The following CRYZ variants were observed in gnomAD, a reference collection of about 807,000 sequenced individuals.
The protein encoded by CRYZ is zeta-crystallin.
CRYZ carries 35 observed loss-of-function variants against 34.1 expected under a neutral mutation model. That is an observed-to-expected ratio of 1.03 (90% CI 0.78 to 1.36). CRYZ has a LOEUF of 1.36. Ranked by LOEUF, CRYZ falls within the 40% of genes most tolerant of loss-of-function variation. The pLI, the probability that CRYZ is intolerant of heterozygous loss-of-function variation, is 0.00. For missense variants in CRYZ, 403 were observed against 391.8 expected, an observed-to-expected ratio of 1.03 and a Z score of -0.24; for synonymous variants, 137 against 136.5, an observed-to-expected ratio of 1.00 and a Z score of -0.03.
chr1:74,706,613 G>A (rs902125066), intron 8 of CRYZ, among the ~76,000 whole-genome samples, 156 bp from the exon 9 acceptor site: 1 of 152,128 alleles, frequency 6.6e-6, no homozygotes, highest in East Asian at 1.9e-4. Context: ...AGAAAAAGTA[G>A]TTATCTACAG....
At chr1:74,730,134 C>G (rs892070077) in intron 1 of CRYZ, among the ~76,000 whole-genome samples, 2 of 152,256 alleles carry the variant, frequency 1.3e-5, no homozygotes, top group South Asian at 2.1e-4. Flanking sequence ...TCTTTCCCCC[C>G]CCACATTTTG....
chr1:74,707,414 T>C (rs1569965491), intron 6 of CRYZ: 5 of 369,654 alleles, frequency 1.4e-5, no homozygotes, highest in African/African-American at 2.1e-5. Context: ...TGATAAAAAT[T>C]TGTACTAAAT....
At chr1:74,711,924 G>C (rs1647009458) in intron 5 of CRYZ, among the ~76,000 whole-genome samples, 1 of 151,616 alleles carries the variant, frequency 6.6e-6, no homozygotes, top group Admixed American at 6.6e-5. Context: ...TAAAGCCAAA[G>C]GATTAGGTGG....
At chr1:74,731,178 G>A (rs1388542471) in intron 1 of CRYZ, among the ~76,000 whole-genome samples, 1 of 152,046 alleles carries the variant, frequency 6.6e-6, no homozygotes, top group African/African-American at 2.4e-5. Context: ...TACAAATCTA[G>A]GAAATAGAAA....
At chr1:74,723,783 C>T (rs1647210684) in intron 2 of CRYZ, among the ~76,000 whole-genome samples, 1 of 152,148 alleles carries the variant, frequency 6.6e-6, no homozygotes, top group Admixed American at 6.5e-5. Context: ...AAGCTGAGTC[C>T]CTAAGTCACT....
chr1:74,726,820 A>G (rs1647366749), intron 1 of CRYZ, among the ~76,000 whole-genome samples: 1 of 152,092 alleles, frequency 6.6e-6, no homozygotes, highest in Admixed American at 6.6e-5. Context: ...ATAATGCGCA[A>G]GTCACCTCTT....
chr1:74,729,636 G>C (rs2100737393), intron 1 of CRYZ, among the ~76,000 whole-genome samples: 1 of 139,960 alleles, frequency 7.1e-6, no homozygotes, highest in South Asian at 2.3e-4. Flanking sequence ...GACAGAGTGA[G>C]ACCCTGTCTC....
chr1:74,710,948 C>T (rs2100696543), intron 5 of CRYZ, among the ~76,000 whole-genome samples: 1 of 152,106 alleles, frequency 6.6e-6, no homozygotes, highest in Admixed American at 6.5e-5. Context: ...GGAATAGGGG[C>T]TATTTAGGTC....
chr1:74,706,921 A>G lies in CRYZ; in HGVS notation c.806T>C (p.Val269Ala), dbSNP rs1244644709. Residue 269 changes from valine (V) to alanine (A), a missense_variant, in exon 8 of 9, where the codon GTT (valine) becomes GCT (alanine). Coordinates refer to ENST00000340866, the MANE Select transcript of CRYZ (RefSeq NM_001889.4). ...TACCTTGGTTGAGGAAAAGAGAGTA[A>G]CTCCAATTATACTCGACTCCTTTGC... ...TMAKESSIIG[V>A]TLFSSTKEEF... 6.2e-7 allele frequency: 1 copy of G among 1,612,774 alleles called. No individual in the cohort carries two copies. The highest frequency in any genetic ancestry group is 1.1e-5 in the South Asian group (1 of 90,982).
At position 74,714,715 on chromosome 1, in the gene CRYZ, C is replaced by A. The variant is rs116332406; in HGVS notation, c.429-85G>T. On this transcript the variant is annotated intron_variant, in intron 4 of 8. Coordinates refer to ENST00000340866, the MANE Select transcript of CRYZ (RefSeq NM_001889.4). ...TTTTCATCATCTTAAGGAATTTCTA[C>A]CCCTAGTCTGGCTAACACTTACACA... 2.2e-3 allele frequency: 3,146 copies of A among 1,407,562 alleles called. 58 individuals are homozygous for A. In the African/African-American group the frequency reaches 0.039, roughly 17 times the overall value. The allele number at this position is 1,407,562 out of a possible 1,614,324, so 87.2% of individuals were successfully genotyped here. A position where few individuals can be genotyped will look rare whatever the true frequency, so the allele number is the denominator to read the frequency against.
chr1:74,710,044 C>T lies in CRYZ; in HGVS notation c.630+54G>A, dbSNP rs142296727. The T allele has an allele frequency of 5.5e-3, 8,287 of 1,517,392 alleles. 30 individuals carry two copies. The highest frequency in any genetic ancestry group is 6.1e-3 in the Non-Finnish European group (6,716 of 1,108,966). The allele number at this position is 1,517,392 out of a possible 1,614,324, so 94.0% of individuals were successfully genotyped here. A position where few individuals can be genotyped will look rare whatever the true frequency, so the allele number is the denominator to read the frequency against. On this transcript the variant is annotated intron_variant, in intron 6 of 8. Coordinates refer to ENST00000340866, the MANE Select transcript of CRYZ (RefSeq NM_001889.4). ...TGGTTAAAAACATATTAAAAAACCA[C>T]GCAAGTCTCCAAGGAACAAAGTTTG...
At chr1:74,730,004 G>C (rs1224990723) in intron 1 of CRYZ, among the ~76,000 whole-genome samples, 3 of 151,900 alleles carry the variant, frequency 2.0e-5, no homozygotes, top group Non-Finnish European at 4.4e-5. Context: ...TGAGATGCTT[G>C]CTTTTTCCAT....
intron 1 of CRYZ, among the ~76,000 whole-genome samples, chr1:74,726,944 C>A (rs1647374924): frequency 6.6e-6 from 1 of 152,162 alleles, no homozygotes; most frequent in Admixed American, 6.5e-5. Context: ...TTTGCTAAAA[C>A]ACAACAAAAG....
At chr1:74,719,030 G>A (rs1339666898) in intron 4 of CRYZ, among the ~76,000 whole-genome samples, 179 bp downstream of exon 4, 1 of 152,040 alleles carries the variant, frequency 6.6e-6, no homozygotes, top group African/African-American at 2.4e-5. Context: ...GCTCTTCTTT[G>A]TATCCCTAGT....
chr1:74,728,718 G>A (rs1647520350), intron 1 of CRYZ, among the ~76,000 whole-genome samples: 1 of 152,228 alleles, frequency 6.6e-6, no homozygotes, highest in African/African-American at 2.4e-5. Flanking sequence ...TTGATGGGAA[G>A]TTCTTGATAT....
chr1:74,715,071 AT>A (rs1411466739), intron 4 of CRYZ, among the ~76,000 whole-genome samples: 1 of 151,716 alleles, frequency 6.6e-6, no homozygotes, highest in Non-Finnish European at 1.5e-5. Context: ...CACAGTAGCT[AT>A]TTTTTTTGCC....
chr1:74,710,259 A>G lies in CRYZ; in HGVS notation c.481-12T>C. 6.2e-7 allele frequency: 1 copy of G among 1,613,096 alleles called. No individual in the cohort carries two copies. Among genetic ancestry groups the G allele is most frequent in the Non-Finnish European group, 8.5e-7 (1 of 1,179,584 alleles). ...GCTGCTAATCCAACCTGAAAAACAA[A>G]TATAACCCAAGAGTTATATATTCTC... On this transcript the variant is annotated splice_polypyrimidine_tract_variant and intron_variant, in intron 5 of 8. Coordinates refer to ENST00000340866, the MANE Select transcript of CRYZ (RefSeq NM_001889.4).
chr1:74,730,802 T>C (rs1315477319), intron 1 of CRYZ, among the ~76,000 whole-genome samples: 4 of 152,180 alleles, frequency 2.6e-5, no homozygotes, highest in Non-Finnish European at 5.9e-5. Flanking sequence ...AAATAAACTT[T>C]ACAATAGTGA....
At chr1:74,713,073 C>T (rs927999595) in intron 5 of CRYZ, among the ~76,000 whole-genome samples, 2 of 152,016 alleles carry the variant, frequency 1.3e-5, no homozygotes, top group African/African-American at 4.8e-5. Context: ...CAAGGCAAAA[C>T]CCAGTACTGT....
Sources: allele counts gnomAD v4.1 joint callset (sites outside exome capture counted in the v4.1 genomes callset), GRCh38; gene constraint gnomAD v4.1.1; transcripts MANE v1.5; gene names NCBI Gene and HGNC (gene_info 2026-07-23, HGNC 2026-07-21).